ZNF568: variants seen among roughly 807,000 people sequenced by gnomAD.
The protein encoded by ZNF568 is p53 inhibitor of SCO2 activation.
In ZNF568, 11 loss-of-function variants were observed where a neutral mutation model predicts 18.1. The observed-to-expected ratio is 0.61, with a 90% CI of 0.38 to 1.00. ZNF568 has a LOEUF of 1.00. ZNF568 is among the 50% of genes least tolerant of loss of function. The pLI, the probability that ZNF568 is intolerant of heterozygous loss-of-function variation, is 0.01. For synonymous variants in ZNF568, 213 were observed against 246.6 expected, an observed-to-expected ratio of 0.86 and a Z score of 1.28; for missense variants, 639 against 768.2, an observed-to-expected ratio of 0.83 and a Z score of 1.99.
chr19:36,966,386 C>T (rs967599587), intron 6 of ZNF568, among the ~76,000 whole-genome samples: 1 of 152,192 alleles, frequency 6.6e-6, no homozygotes, highest in Non-Finnish European at 1.5e-5. Context: ...ATTGGGATTA[C>T]AGGCGTGAGC....
At chr19:36,919,105 T>C (rs2073406102) in intron 2 of ZNF568, among the ~76,000 whole-genome samples, 1 of 152,226 alleles carries the variant, frequency 6.6e-6, no homozygotes, top group African/African-American at 2.4e-5. Context: ...GGTATACAAC[T>C]ATCTGAGTCC....
At chr19:36,961,815 C>A (rs1053995789) in intron 6 of ZNF568, among the ~76,000 whole-genome samples, 1 of 151,698 alleles carries the variant, frequency 6.6e-6, no homozygotes, top group African/African-American at 2.4e-5. Context: ...GAGCCACTGA[C>A]CTGGCTAAAG....
chr19:36,936,658 T>C, intron 4 of ZNF568, 88 bp from the exon 5 acceptor site: 1 of 1,348,164 alleles, frequency 7.4e-7, no homozygotes, highest in Non-Finnish European at 1.0e-6. Flanking sequence ...CTCTGACCCC[T>C]GAGTACCAGC....
At chr19:36,995,058 C>G (rs2074458307) in intron 4 of ZNF568, among the ~76,000 whole-genome samples, 1 of 151,770 alleles carries the variant, frequency 6.6e-6, no homozygotes, top group South Asian at 2.1e-4. Context: ...CATGGTATAT[C>G]TTTTTCCATT....
intron 5 of ZNF568, 82 bp downstream of exon 5, chr19:36,936,954 T>G (rs2073800625): frequency 1.9e-6 from 3 of 1,543,156 alleles, no homozygotes; most frequent in Admixed American, 1.7e-5. Flanking sequence ...ACTTGCCAGA[T>G]GAATCTAGCC....
At chr19:36,925,407 T>C (rs1195047520) in intron 4 of ZNF568, 149 bp downstream of exon 4, 19 of 700,650 alleles carry the variant, frequency 2.7e-5, no homozygotes, top group Non-Finnish European at 4.6e-5. Flanking sequence ...CTGGGGAAAT[T>C]TGAGATATGG....
chr19:36,918,610 A>G (rs1041359055), intron 2 of ZNF568, among the ~76,000 whole-genome samples: 1 of 152,164 alleles, frequency 6.6e-6, no homozygotes, highest in Non-Finnish European at 1.5e-5. Context: ...ATGTATACAC[A>G]CATGTATATT....
Position 36,991,012 on chromosome 19 carries a change from G to A in ZNF568, c.10-164G>A, listed in dbSNP as rs945511885. ...AAGAACCATGTGGGCACTTCACTCT[G>A]ATCACCCCTGTTTCCACACCGACCC... On this transcript the variant is annotated intron_variant, in intron 2 of 4. Transcript: ENST00000433993. 6 of 672,194 alleles carry A rather than the reference G, an allele frequency of 8.9e-6. No homozygotes were observed. In the East Asian group the frequency reaches 1.7e-4, roughly 19 times the overall value. 41.6% of individuals were successfully genotyped at this position (672,194 alleles called of 1,614,324 possible). A position where few individuals can be genotyped will look rare whatever the true frequency, so the allele number is the denominator to read the frequency against.
intron 4 of ZNF568, among the ~76,000 whole-genome samples, chr19:36,932,804 A>G (rs192808463): frequency 3.0e-4 from 46 of 152,108 alleles, no homozygotes; most frequent in Non-Finnish European, 1.0e-4. Context: ...ACCATTTCCT[A>G]TGTTTGTTGG....
At chr19:36,991,646 C>T (rs2146349483) in intron 3 of ZNF568, 1 of 885,602 alleles carries the variant, frequency 1.1e-6, no homozygotes, top group Admixed American at 2.8e-5. Flanking sequence ...ACCCTCACTC[C>T]TTCTTCTGAC....
At position 36,950,820 on chromosome 19, in the gene ZNF568, A is replaced by T. The variant is rs1408288151; in HGVS notation, c.1667A>T (p.Lys556Ile). Residue 556 changes from lysine to isoleucine, a missense_variant, in exon 7 of 7, where the codon AAA becomes ATA. By Grantham distance (102) the Lys-to-Ile change is moderately radical. Transcript: ENST00000333987. ...LEHEKIHTGE[K>I]PFKCNECGKA... Reference sequence around the variant, plus strand: ...CATGAAAAAATTCATACTGGAGAGAAACCATTCAAATGTAATGAATGTGGT... The same window carrying T: ...CATGAAAAAATTCATACTGGAGAGATACCATTCAAATGTAATGAATGTGGT... 1 of 1,613,870 alleles carries T rather than the reference A, an allele frequency of 6.2e-7. No homozygotes were observed. Among genetic ancestry groups the T allele is most frequent in the Non-Finnish European group, 8.5e-7 (1 of 1,179,976 alleles).
At chr19:36,948,591 G>A (rs1057182029) in intron 6 of ZNF568, among the ~76,000 whole-genome samples, 4 of 150,772 alleles carry the variant, frequency 2.7e-5, no homozygotes, top group Admixed American at 2.0e-4. Context: ...ATGAGTGAGA[G>A]GTCCTATTGC....
chr19:36,944,662 G>A (rs1051771105), intron 6 of ZNF568, among the ~76,000 whole-genome samples: 12 of 152,144 alleles, frequency 7.9e-5, no homozygotes, highest in East Asian at 3.9e-4. Flanking sequence ...TAACAGTAGC[G>A]CCATCCCTCT....
In ZNF568 at chr19:36,938,520, C is replaced by T. The variant is rs1033672652; in HGVS notation, c.358+1278C>T. On this transcript the variant is annotated intron_variant, in intron 6 of 6. Coordinates refer to ENST00000333987, the MANE Select transcript of ZNF568 (RefSeq NM_198539.4). ...TACTCTTCTGGGCATGGATATATAA[C>T]AGTATACCAAACAAAATCCTGTCTT... is the stretch of plus-strand genomic sequence containing the variant. 3.9e-5 allele frequency among the ~76,000 whole-genome samples: 6 copies of T among 152,104 alleles called. No homozygotes were observed. In the East Asian group the frequency reaches 5.8e-4, roughly 15 times the overall value.
chr19:36,920,124 A>C (rs1262548642), intron 2 of ZNF568, among the ~76,000 whole-genome samples: 1 of 152,142 alleles, frequency 6.6e-6, no homozygotes, highest in Non-Finnish European at 1.5e-5. Flanking sequence ...TGTGGAGGTG[A>C]AAGCCAGCAC....
At chr19:36,996,615 T>A in exon 5 of ZNF568, 1 of 1,535,422 alleles carries the variant, frequency 6.5e-7, no homozygotes. Context: ...TAATTCATAA[T>A]AAGGAAAAAG....
Position 36,950,889 on chromosome 19 carries a change from G to C in ZNF568, c.1736G>C (p.Ser579Thr). 1 of 1,613,278 alleles carries C rather than the reference G, an allele frequency of 6.2e-7. No individual in the cohort carries two copies. Among genetic ancestry groups the C allele is most frequent in the Non-Finnish European group, 8.5e-7 (1 of 1,179,758 alleles). ...RISSLTLHVR[S>T]HTGEKPYECN... is the part of the protein sequence containing the mutation. ...TCATCCCTCACTCTTCATGTGAGAA[G>C]TCACACAGGGGAGAAACCCTATGAA... The change falls in exon 7 of 7, where the codon AGT (serine) becomes ACT (threonine). Residue 579 changes from serine to threonine, a missense_variant. Transcript: ENST00000333987.
chr19:36,928,223 G>T (rs1209479631), intron 4 of ZNF568, among the ~76,000 whole-genome samples: 2 of 151,514 alleles, frequency 1.3e-5, no homozygotes, highest in African/African-American at 4.9e-5. Flanking sequence ...TGTCCCGAAA[G>T]ATATTTTCTG....
chr19:36,974,435 A>T (rs1198881302), exon 7 of ZNF568: 3 of 1,536,110 alleles, frequency 2.0e-6, no homozygotes, highest in Non-Finnish European at 2.6e-6. Flanking sequence ...AGAAGAGGAG[A>T]GAACTGCTGT....
Sources: allele counts gnomAD v4.1 joint callset (sites outside exome capture counted in the v4.1 genomes callset), GRCh38; gene constraint gnomAD v4.1.1; transcripts MANE v1.5; gene names NCBI Gene and HGNC (gene_info 2026-07-23, HGNC 2026-07-21).